Variants in MKX observed in about 807,000 individuals in gnomAD.
The protein encoded by MKX is homeobox protein Mohawk.
In MKX, 13 loss-of-function variants were observed where a neutral mutation model predicts 36.0. That is an observed-to-expected ratio of 0.36 (90% CI 0.24 to 0.57). The LOEUF is 0.57. MKX is among the 20% of genes least tolerant of loss of function. MKX has a pLI of 0.79. For synonymous variants in MKX, 176 were observed against 178.3 expected (o/e 0.99, Z 0.10); for missense variants, 458 against 456.4 (o/e 1.00, Z -0.03).
Position 27,673,858 on chromosome 10 carries a change from C to T in MKX, c.*1371G>A, listed in dbSNP as rs946207817. Reference sequence around the variant, plus strand: ...CACTATTGACCCTCATTCACACTGACAAAAATGCTTTCCAGTTTAAAAAAA... The same window carrying T: ...CACTATTGACCCTCATTCACACTGATAAAAATGCTTTCCAGTTTAAAAAAA... On this transcript the variant is annotated 3_prime_UTR_variant, in exon 7 of 7. Transcript: ENST00000419761. The T allele has an allele frequency of 2.6e-5, 4 of 151,638 alleles. No homozygotes were observed. Among genetic ancestry groups the T allele is most frequent in the Non-Finnish European group, 4.4e-5 (3 of 67,844 alleles). The allele number at this position is 151,638 out of a possible 1,614,324, so 9.4% of individuals were successfully genotyped here.
intron 5 of MKX, among the ~76,000 whole-genome samples, chr10:27,703,188 G>T (rs1836690884): frequency 6.6e-6 from 1 of 152,250 alleles, no homozygotes; most frequent in South Asian, 2.1e-4. Context: ...CTCTGTAGGA[G>T]GAAAAAGGAA....
At chr10:27,730,427 C>A (rs577733475) in intron 5 of MKX, among the ~76,000 whole-genome samples, 26 of 149,654 alleles carry the variant, frequency 1.7e-4, no homozygotes, top group Admixed American at 5.3e-4. Flanking sequence ...TTCAGTGATA[C>A]ATTATCCTTT....
chr10:27,737,958 G>A (rs1834814602), intron 3 of MKX, among the ~76,000 whole-genome samples: 1 of 151,922 alleles, frequency 6.6e-6, no homozygotes, highest in Non-Finnish European at 1.5e-5. Context: ...ATAAAAATGG[G>A]GGAACATTTA....
intron 5 of MKX, among the ~76,000 whole-genome samples, chr10:27,690,522 C>T (rs150291413): frequency 4.6e-5 from 7 of 152,298 alleles, no homozygotes; most frequent in African/African-American, 9.6e-5. Context: ...TCACTAAGTA[C>T]GTGACCTTGG....
Position 27,741,261 on chromosome 10 carries a change from T to A in MKX, c.348+84A>T. The A allele has an allele frequency of 6.4e-7, 1 of 1,555,562 alleles. No individual in the cohort carries two copies. The highest frequency in any genetic ancestry group is 8.8e-7 in the Non-Finnish European group (1 of 1,142,084). Reference sequence around the variant, plus strand: ...TCCCTCTCCAGGTAGAAGCGCCACGTGGAGAGCCACACGAACTCTAAGCGT... The same window carrying A: ...TCCCTCTCCAGGTAGAAGCGCCACGAGGAGAGCCACACGAACTCTAAGCGT... On this transcript the variant is annotated intron_variant, in intron 3 of 6. Coordinates refer to ENST00000419761, the MANE Select transcript of MKX (RefSeq NM_173576.3). This position sits in a 1 kb window ranked among gnomAD's most constrained non-coding sequence, Gnocchi z 5.1.
At chr10:27,687,605 G>A (rs545624517) in intron 5 of MKX, among the ~76,000 whole-genome samples, 276 of 152,246 alleles carry the variant, frequency 1.8e-3, no homozygotes, top group African/African-American at 6.4e-3. Flanking sequence ...GCAGGAAGCG[G>A]GACTTGCAAC....
chr10:27,732,519 A>T lies in MKX; in HGVS notation c.838+1937T>A, dbSNP rs976320002. Among the ~76,000 whole-genome samples the T allele has an allele frequency of 3.9e-5, 6 of 152,128 alleles. No homozygotes were observed. The East Asian group carries it at 1.2e-3, about 29-fold the overall frequency. On this transcript the variant is annotated intron_variant, in intron 5 of 6. Transcript: ENST00000419761. ...GTTGTTTCTTTCCTTTGTAATTTCC[A>T]ATTTTAATTTGCGTCGATTTTTGCT...
At chr10:27,726,389 G>A (rs1834489219) in intron 5 of MKX, among the ~76,000 whole-genome samples, 1 of 152,138 alleles carries the variant, frequency 6.6e-6, no homozygotes, top group South Asian at 2.1e-4. Context: ...GCATGCCGCA[G>A]GGTTTAAATG....
chr10:27,722,617 T>G (rs78722284), intron 5 of MKX, among the ~76,000 whole-genome samples: 1,840 of 152,302 alleles, frequency 0.012, 45 homozygotes, highest in African/African-American at 0.041. Context: ...CTGTCCACAT[T>G]ATAGCTTCCT....
chr10:27,696,164 G>A (rs766883808), intron 5 of MKX, among the ~76,000 whole-genome samples: 2 of 152,228 alleles, frequency 1.3e-5, no homozygotes, highest in Admixed American at 6.5e-5. Context: ...TGGGACCTCC[G>A]ATATTGGGGT....
intron 5 of MKX, among the ~76,000 whole-genome samples, chr10:27,685,918 G>T (rs570452310): frequency 2.0e-5 from 3 of 152,260 alleles, no homozygotes; most frequent in Admixed American, 2.0e-4. Context: ...AATGAGTAAA[G>T]AGAAATCATT....
At chr10:27,696,135 A>C (rs1399690459) in intron 5 of MKX, among the ~76,000 whole-genome samples, 1 of 152,184 alleles carries the variant, frequency 6.6e-6, no homozygotes, top group African/African-American at 2.4e-5. Flanking sequence ...GGTAAGTTAC[A>C]CTGGAAAGAT....
chr10:27,677,526 G>A (rs986916596), intron 5 of MKX, among the ~76,000 whole-genome samples: 2 of 152,186 alleles, frequency 1.3e-5, no homozygotes, highest in Non-Finnish European at 2.9e-5. Flanking sequence ...ATATGCCCAT[G>A]AGGCAGCCAA....
rs1203600348 is a variant in MKX, at chr10:27,741,601, G to A, written c.189-97C>T. 2 of 1,374,108 alleles carry A rather than the reference G, an allele frequency of 1.5e-6. No individual in the cohort carries two copies. Among genetic ancestry groups the A allele is most frequent in the African/African-American group, 1.5e-5 (1 of 68,480 alleles). The allele number at this position is 1,374,108 out of a possible 1,614,324, so 85.1% of individuals were successfully genotyped here. A position where few individuals can be genotyped will look rare whatever the true frequency, so the allele number is the denominator to read the frequency against. On this transcript the variant is annotated intron_variant, in intron 2 of 6. Transcript: ENST00000419761. This position sits in a 1 kb window ranked among gnomAD's most constrained non-coding sequence, Gnocchi z 5.1. Reference sequence around the variant, plus strand: ...CAAGCCCGGGCCCCGCATCCAAACTGCGCATTCCTGCCTTGCGCCCCTGCT... The same window carrying A: ...CAAGCCCGGGCCCCGCATCCAAACTACGCATTCCTGCCTTGCGCCCCTGCT...
At chr10:27,699,475 C>T (rs1385089008) in intron 5 of MKX, among the ~76,000 whole-genome samples, 1 of 152,166 alleles carries the variant, frequency 6.6e-6, no homozygotes, top group Non-Finnish European at 1.5e-5. Context: ...CACAAAGCTC[C>T]TTTCCTATGG....
rs998191490 is a variant in MKX at position 27,743,468 on chromosome 10, C to T, written c.-53G>A. 6.8e-7 allele frequency: 1 copy of T among 1,461,730 alleles called. No individual in the cohort carries two copies. Among genetic ancestry groups the T allele is most frequent in the Non-Finnish European group, 9.0e-7 (1 of 1,111,470 alleles). 90.5% of individuals were successfully genotyped at this position (1,461,730 alleles called of 1,614,324 possible). A position where few individuals can be genotyped will look rare whatever the true frequency, so the allele number is the denominator to read the frequency against. ...CGGCCGCAGAGCCTCGGGGCTGGGC[C>T]GCCGGGAGCTCCGCAGCGGGGCTCG... On this transcript the variant is annotated 5_prime_UTR_variant, in exon 2 of 7. Coordinates refer to ENST00000419761, the MANE Select transcript of MKX (RefSeq NM_173576.3).
intron 5 of MKX, among the ~76,000 whole-genome samples, chr10:27,730,359 A>G: frequency 6.6e-6 from 1 of 152,218 alleles, no homozygotes; most frequent in South Asian, 2.1e-4. Flanking sequence ...TAGGATTACT[A>G]CTTTATAATC....
chr10:27,695,199 A>G (rs1836532173), intron 5 of MKX, among the ~76,000 whole-genome samples: 1 of 152,120 alleles, frequency 6.6e-6, no homozygotes, highest in Non-Finnish European at 1.5e-5. Flanking sequence ...TGTCTGCATT[A>G]CATGTGGTTT....
intron 5 of MKX, among the ~76,000 whole-genome samples, chr10:27,718,397 T>C (rs954798813): frequency 6.6e-6 from 1 of 152,146 alleles, no homozygotes; most frequent in Non-Finnish European, 1.5e-5. Flanking sequence ...TCAATTACAT[T>C]TGTAGCGCTA....
Sources: gnomAD v4.1 joint callset for allele counts (sites outside exome capture counted in the v4.1 genomes callset) on GRCh38, gnomAD v4.1.1 for gene constraint, Gnocchi (gnomAD v3.1) non-coding constraint, MANE v1.5 for transcripts, NCBI Gene and HGNC (gene_info 2026-07-23, HGNC 2026-07-21) for gene names.